KIF13A: variants seen among roughly 807,000 people sequenced by gnomAD.
KIF13A encodes the protein kinesin-like protein KIF13A.
KIF13A carries 79 observed loss-of-function variants against 212.2 expected under a neutral mutation model. The ratio of observed to expected loss-of-function variants is 0.37; its 90% CI spans 0.31 to 0.45. The LOEUF is 0.45. KIF13A is among the 20% of genes least tolerant of loss of function. KIF13A has a pLI of 1.00. For missense variants in KIF13A, 1,901 were observed against 2,209.0 expected, an observed-to-expected ratio of 0.86 and a Z score of 2.79; for synonymous variants, 789 against 808.6, an observed-to-expected ratio of 0.98 and a Z score of 0.41.
downstream of KIF13A, among the ~76,000 whole-genome samples, chr6:17,763,260 G>A (rs1026326043): frequency 2.6e-5 from 4 of 152,104 alleles, no homozygotes; most frequent in African/African-American, 9.7e-5. Context: ...CAAGGGGGAT[G>A]GATCACCTGA....
At position 17,967,607 on chromosome 6, in the gene KIF13A, G is replaced by A. The variant is rs1412354632; in HGVS notation, c.146+19447C>T. ...CCTGGTTATCCATTTCCATAGTCAT[G>A]ATGCCCCCACACACAGACTGCTATC... On this transcript the variant is annotated intron_variant, in intron 2 of 38. Coordinates refer to ENST00000259711, the MANE Select transcript of KIF13A (RefSeq NM_022113.6). The surrounding 1 kb of genome is among the most constrained non-coding windows in gnomAD (Gnocchi z 4.1). 1.3e-5 allele frequency among the ~76,000 whole-genome samples: 2 copies of A among 152,170 alleles called. No individual in the cohort carries two copies. Among genetic ancestry groups the A allele is most frequent in the African/African-American group, 2.4e-5 (1 of 41,444 alleles).
At chr6:17,827,654 A>C (rs1220126137) in intron 14 of KIF13A, among the ~76,000 whole-genome samples, 3 of 151,870 alleles carry the variant, frequency 2.0e-5, no homozygotes, top group Non-Finnish European at 4.4e-5. Flanking sequence ...AGTAGCTGGG[A>C]CTAGAGGAAT....
intron 2 of KIF13A, among the ~76,000 whole-genome samples, chr6:17,904,100 T>C (rs1293609346): frequency 6.6e-6 from 1 of 151,752 alleles, no homozygotes; most frequent in Non-Finnish European, 1.5e-5. Flanking sequence ...GAGGTTATAG[T>C]GAGCCATGAT....
chr6:17,781,109 A>G (rs900872134), intron 30 of KIF13A, 68 bp downstream of exon 30: 8 of 1,583,184 alleles, frequency 5.1e-6, no homozygotes, highest in Non-Finnish European at 4.3e-6. Flanking sequence ...ATAGCAGTTT[A>G]GTGAGCAGGC....
At position 17,794,552 on chromosome 6, in the gene KIF13A, A is replaced by C. The variant is rs745696577; in HGVS notation, c.3075+20T>G. 8.8e-6 allele frequency: 14 copies of C among 1,584,966 alleles called. No individual in the cohort carries two copies. The highest frequency in any genetic ancestry group is 3.9e-5 in the Admixed American group (2 of 51,302). On this transcript the variant is annotated intron_variant, in intron 24 of 38. Coordinates refer to ENST00000259711, the MANE Select transcript of KIF13A (RefSeq NM_022113.6). This position sits in a 1 kb window ranked among gnomAD's most constrained non-coding sequence, Gnocchi z 4.1. Reference sequence around the variant, plus strand: ...AACAGAGAGAAAACATTAAAAAAAAACCCAAAACAAACTCAGTACCTGTCT... The same window carrying C: ...AACAGAGAGAAAACATTAAAAAAAACCCCAAAACAAACTCAGTACCTGTCT...
intron 2 of KIF13A, among the ~76,000 whole-genome samples, chr6:17,977,094 T>C (rs112327972): frequency 0.012 from 1,574 of 126,684 alleles, 24 homozygotes; most frequent in African/African-American, 0.045. Flanking sequence ...AGAGCGAGAC[T>C]CCGTCTCAAA....
rs889116279 is a variant in KIF13A, at chr6:17,984,445, T to C, written c.146+2609A>G. ...CATATCAACTACTAACCTGGACCTA[T>C]GCAATGTATTACAATACTAGAATTT... On this transcript the variant is annotated intron_variant, in intron 2 of 38. Transcript: ENST00000259711. This position sits in a 1 kb window ranked among gnomAD's most constrained non-coding sequence, Gnocchi z 5.0. 36 of 800,356 alleles carry C rather than the reference T, an allele frequency of 4.5e-5. No individual in the cohort carries two copies. Among genetic ancestry groups the C allele is most frequent in the East Asian group, 1.3e-4 (1 of 7,952 alleles). The allele number at this position is 800,356 out of a possible 1,614,324, so 49.6% of individuals were successfully genotyped here.
chr6:17,963,758 T>C lies in KIF13A; in HGVS notation c.146+23296A>G, dbSNP rs887861363. 2.0e-5 allele frequency among the ~76,000 whole-genome samples: 3 copies of C among 152,170 alleles called. No individual in the cohort carries two copies. The highest frequency in any genetic ancestry group is 7.2e-5 in the African/African-American group (3 of 41,452). ...TTTTAGTAGAGACAGGGTTCCACCA[T>C]GTTGGCCAAGCTGGTTTCATACTCC... On this transcript the variant is annotated intron_variant, in intron 2 of 38. Coordinates refer to ENST00000259711, the MANE Select transcript of KIF13A (RefSeq NM_022113.6). The surrounding 1 kb of genome is among the most constrained non-coding windows in gnomAD (Gnocchi z 4.1).
intron 4 of KIF13A, among the ~76,000 whole-genome samples, chr6:17,860,641 T>C (rs945375178): frequency 6.6e-6 from 1 of 151,954 alleles, no homozygotes; most frequent in African/African-American, 2.4e-5. Context: ...TATTTTTAAT[T>C]GGGAGCCTCT....
At position 17,771,356 on chromosome 6, in the gene KIF13A, C is replaced by A; in HGVS notation, c.4477-138G>T. ...GTAATGCAGCAGCCAATTCTGCAGG[C>A]CAGAGTTAAACTACTGGAGAGATAT... On this transcript the variant is annotated intron_variant, in intron 37 of 38. Coordinates refer to ENST00000259711, the MANE Select transcript of KIF13A (RefSeq NM_022113.6). The surrounding 1 kb of genome is among the most constrained non-coding windows in gnomAD (Gnocchi z 5.4). 1 of 617,524 alleles carries A rather than the reference C, an allele frequency of 1.6e-6. No homozygotes were observed. The highest frequency in any genetic ancestry group is 2.9e-6 in the Non-Finnish European group (1 of 343,376). The allele number at this position is 617,524 out of a possible 1,614,324, so 38.3% of individuals were successfully genotyped here.
chr6:17,800,590 C>A (rs1034197495), intron 20 of KIF13A, among the ~76,000 whole-genome samples: 1 of 140,172 alleles, frequency 7.1e-6, no homozygotes, highest in Non-Finnish European at 1.5e-5. Context: ...GTGCGTGCTA[C>A]CACGCCCAGC....
intron 25 of KIF13A, among the ~76,000 whole-genome samples, chr6:17,792,471 T>A (rs769774293): frequency 3.2e-4 from 48 of 152,122 alleles, no homozygotes; most frequent in Non-Finnish European, 6.2e-4. Flanking sequence ...TTAGTAAAGC[T>A]CAACTAGACT....
At chr6:17,952,128 C>T (rs537678396) in intron 2 of KIF13A, among the ~76,000 whole-genome samples, 1 of 150,940 alleles carries the variant, frequency 6.6e-6, no homozygotes, top group South Asian at 2.1e-4. Context: ...ATGGTGAAAC[C>T]CCGTCTCTAC....
Position 17,850,502 on chromosome 6 carries a change from A to T in KIF13A, c.583-45T>A. The T allele has an allele frequency of 6.4e-7, 1 of 1,567,034 alleles. No individual in the cohort carries two copies. ...AAAAGACCATAAGCAAAAACACAAG[A>T]ATGTAGTCCTGCACACCAGGTATAT... On this transcript the variant is annotated intron_variant, in intron 7 of 38. Transcript: ENST00000259711. This position sits in a 1 kb window ranked among gnomAD's most constrained non-coding sequence, Gnocchi z 6.2.
rs985912836 is a variant in KIF13A, at chr6:17,967,552, G to A, written c.146+19502C>T. On this transcript the variant is annotated intron_variant, in intron 2 of 38. Coordinates refer to ENST00000259711, the MANE Select transcript of KIF13A (RefSeq NM_022113.6). This position sits in a 1 kb window ranked among gnomAD's most constrained non-coding sequence, Gnocchi z 4.1. ...AGAGAAAACTATCCGAAGTCTTTCTGGAAGACTGCACGTGTCAGGAGCAGA... is the reference window on the plus strand; with the variant it reads ...AGAGAAAACTATCCGAAGTCTTTCTAGAAGACTGCACGTGTCAGGAGCAGA... 6.6e-6 allele frequency among the ~76,000 whole-genome samples: 1 copy of A among 152,180 alleles called. No individual in the cohort carries two copies. Among genetic ancestry groups the A allele is most frequent in the African/African-American group, 2.4e-5 (1 of 41,438 alleles).
intron 20 of KIF13A, among the ~76,000 whole-genome samples, chr6:17,804,128 G>A: frequency 6.8e-6 from 1 of 147,950 alleles, no homozygotes; most frequent in East Asian, 2.0e-4. Flanking sequence ...CTCCAGCCTG[G>A]GCGACAGAGT....
intron 4 of KIF13A, among the ~76,000 whole-genome samples, chr6:17,868,298 AC>A (rs1369599388): frequency 6.6e-6 from 1 of 152,220 alleles, no homozygotes; most frequent in Non-Finnish European, 1.5e-5. Flanking sequence ...ACTGTTATCT[AC>A]TAACATGGCA....
intron 4 of KIF13A, among the ~76,000 whole-genome samples, chr6:17,861,245 T>C (rs1011839484): frequency 2.0e-5 from 3 of 152,304 alleles, no homozygotes; most frequent in Non-Finnish European, 4.4e-5. Flanking sequence ...TTACACAAGA[T>C]TGGAGTCTAG....
intron 22 of KIF13A, among the ~76,000 whole-genome samples, chr6:17,797,995 C>T (rs539391140): frequency 2.0e-5 from 3 of 152,254 alleles, no homozygotes; most frequent in African/African-American, 7.2e-5. Flanking sequence ...AAGTAGGCAA[C>T]GAGCCAAGCT....
Sources: gnomAD v4.1 joint callset for allele counts (sites outside exome capture counted in the v4.1 genomes callset) on GRCh38, gnomAD v4.1.1 for gene constraint, Gnocchi (gnomAD v3.1) non-coding constraint, MANE v1.5 for transcripts, NCBI Gene and HGNC (gene_info 2026-07-23, HGNC 2026-07-21) for gene names.